WASHC2A: variants seen among roughly 807,000 people sequenced by gnomAD.
WASHC2A encodes WASH complex subunit FAM21A.
Under a neutral mutation model 140.3 loss-of-function variants are expected in WASHC2A, and 82 were observed. That is an observed-to-expected ratio of 0.58 (90% CI 0.49 to 0.70). The LOEUF is 0.70. Ranked by LOEUF, WASHC2A falls within the 30% of genes least tolerant of loss-of-function variation. The pLI, the probability that WASHC2A is intolerant of heterozygous loss-of-function variation, is 0.00. For missense variants in WASHC2A, 985 were observed against 1,521.8 expected (o/e 0.65, Z 5.87); for synonymous variants, 340 against 560.8 (o/e 0.61, Z 5.56).
chr10:50,121,593 C>T (rs1349411897), intron 23 of WASHC2A, among the ~76,000 whole-genome samples: 58 of 150,396 alleles, frequency 3.9e-4, no homozygotes, highest in Middle Eastern at 3.4e-3. Context: ...AGGGTTTCAC[C>T]GTGTTGGCCA....
intron 7 of WASHC2A, 113 bp from the exon 8 acceptor site, chr10:50,087,162 C>G: frequency 7.0e-7 from 1 of 1,424,326 alleles, no homozygotes. Flanking sequence ...AGTGTCAGAG[C>G]TTTTTCTCCA....
In WASHC2A at chr10:50,127,715, C is replaced by G. The variant is rs1444440496; in HGVS notation, c.3007C>G (p.Pro1003Ala). The change falls in exon 28 of 31, where the codon CCT (proline) becomes GCT (alanine). Residue 1003 changes from proline to alanine, a missense_variant. Pro to Ala is a conservative substitution (Grantham distance 27). Transcript: ENST00000282633. ...AAGGAGCCACGGTCTGGAAAGTGTG[C>G]CTGTCCTTCCCGGGAGTGGGGAGGC... ...HRRSHGLESV[P>A]VLPGSGEAGV... 2 of 1,568,854 alleles carry G rather than the reference C, an allele frequency of 1.3e-6. No individual in the cohort carries two copies. The highest frequency in any genetic ancestry group is 2.3e-5 in the South Asian group (2 of 87,522).
intron 19 of WASHC2A, 80 bp from the exon 20 acceptor site, chr10:50,110,021 C>T (rs1303206741): frequency 1.3e-5 from 17 of 1,308,708 alleles, no homozygotes; most frequent in Admixed American, 1.0e-4. Flanking sequence ...TCACCCGCCT[C>T]GGCCTCCCAA....
intron 8 of WASHC2A, among the ~76,000 whole-genome samples, chr10:50,087,657 A>C (rs1554881451): frequency 1.3e-5 from 2 of 152,054 alleles, no homozygotes; most frequent in South Asian, 2.1e-4. Context: ...ACAATCTAGC[A>C]GTAACATTAT....
At position 50,113,980 on chromosome 10, in the gene WASHC2A, G is replaced by C; in HGVS notation, c.2125G>C (p.Val709Leu). ...TCTGTTTGGCTCTCCTCCCACATCT[G>C]TTCCTCCTGCAACAAAGGTATTCTT... The part of the protein sequence containing the change: ...GSLFGSPPTS[V>L]PPATKKKETV... The change falls in exon 21 of 31, where the codon GTT becomes CTT. Residue 709 changes from valine (V) to leucine (L), a missense_variant. Val to Leu is a conservative substitution (Grantham distance 32). Coordinates refer to ENST00000282633, the MANE Select transcript of WASHC2A (RefSeq NM_001005751.3). 1 of 387,268 alleles carries C rather than the reference G, an allele frequency of 2.6e-6. No individual in the cohort carries two copies. Among genetic ancestry groups the C allele is most frequent in the African/African-American group, 4.8e-5 (1 of 20,866 alleles). The allele number at this position is 387,268 out of a possible 1,614,324, so 24.0% of individuals were successfully genotyped here.
At chr10:50,071,582 G>T (rs1797696906) in intron 3 of WASHC2A, among the ~76,000 whole-genome samples, 1 of 151,708 alleles carries the variant, frequency 6.6e-6, no homozygotes, top group Admixed American at 6.6e-5. Flanking sequence ...TGGGATTACA[G>T]GCCTGAGCCA....
intron 5 of WASHC2A, among the ~76,000 whole-genome samples, chr10:50,081,847 G>A (rs1363651728): frequency 5.3e-5 from 8 of 152,070 alleles, no homozygotes; most frequent in African/African-American, 1.7e-4. Flanking sequence ...TGGCCAGGCT[G>A]GTCTCGAACT....
intron 20 of WASHC2A, chr10:50,112,379 G>A: frequency 6.8e-6 from 3 of 439,130 alleles, no homozygotes; most frequent in South Asian, 1.1e-4. Flanking sequence ...GATCTCAAAA[G>A]AAGCTTTACA....
intron 5 of WASHC2A, among the ~76,000 whole-genome samples, chr10:50,083,699 G>C (rs560661248): frequency 8.8e-6 from 1 of 113,580 alleles, no homozygotes; most frequent in Non-Finnish European, 1.8e-5. Flanking sequence ...TAGGATGACA[G>C]TTACCCGCCA....
intron 17 of WASHC2A, among the ~76,000 whole-genome samples, chr10:50,103,101 C>T (rs1478971627): frequency 6.6e-6 from 1 of 150,880 alleles, no homozygotes; most frequent in Non-Finnish European, 1.5e-5. Context: ...CTGCCTGCCC[C>T]AGCCTCCCAA....
chr10:50,111,747 C>T (rs1270455066), intron 20 of WASHC2A, among the ~76,000 whole-genome samples: 2 of 152,274 alleles, frequency 1.3e-5, no homozygotes, highest in South Asian at 2.1e-4. Context: ...GAAGCCTTCC[C>T]GGCTGGGCGC....
chr10:50,106,095 TCTC>T (rs1444707395), intron 18 of WASHC2A, among the ~76,000 whole-genome samples: 1 of 150,964 alleles, frequency 6.6e-6, no homozygotes, highest in Non-Finnish European at 1.5e-5. Context: ...TGCATGTTGT[TCTC>T]CTGCTTATAT....
Position 50,129,987 on chromosome 10 carries a change from C to A in WASHC2A, c.3656C>A (p.Thr1219Lys). ...FTDQKVKKNE[T>K]KSNSQQDVIL... ...GATCAGAAAGTCAAGAAGAATGAGA[C>A]AAAATCCAATAGTCAGCAGGATGTC... Residue 1219 changes from threonine (T) to lysine (K), a missense_variant, in exon 29 of 31, where the codon ACA becomes AAA. Transcript: ENST00000282633. 1 of 1,611,934 alleles carries A rather than the reference C, an allele frequency of 6.2e-7. No individual in the cohort carries two copies. The highest frequency in any genetic ancestry group is 8.5e-7 in the Non-Finnish European group (1 of 1,179,846).
intron 5 of WASHC2A, among the ~76,000 whole-genome samples, chr10:50,082,189 TC>T (rs1554879940): frequency 6.7e-6 from 1 of 150,200 alleles, no homozygotes; most frequent in Non-Finnish European, 1.5e-5. Flanking sequence ...GGTACACTTT[TC>T]TTTTGTAGGA....
intron 16 of WASHC2A, 109 bp downstream of exon 16, chr10:50,097,911 C>T (rs1840648835): frequency 6.4e-7 from 1 of 1,550,892 alleles, no homozygotes; most frequent in Non-Finnish European, 8.7e-7. Context: ...TATTGAAGAA[C>T]TTCAAACAGA....
At chr10:50,095,323 G>C in intron 14 of WASHC2A, 116 bp downstream of exon 14, 1 of 958,180 alleles carries the variant, frequency 1.0e-6, no homozygotes, top group Non-Finnish European at 1.5e-6. Flanking sequence ...AGCTTCAAAG[G>C]GCTTTGAGCA....
intron 19 of WASHC2A, among the ~76,000 whole-genome samples, 163 bp downstream of exon 19, chr10:50,106,628 A>G: frequency 1.3e-5 from 2 of 150,638 alleles, no homozygotes; most frequent in South Asian, 4.3e-4. Context: ...TTAATGTAAT[A>G]TATTAATTTA....
intron 8 of WASHC2A, among the ~76,000 whole-genome samples, chr10:50,090,515 A>AATATATATATATATATTT (rs1554882431): frequency 2.0e-4 from 22 of 108,728 alleles, no homozygotes; most frequent in African/African-American, 6.5e-4. Context: ...AAAAAAAAAA[A>AATATATATATATATATTT]ATATATATAT....
chr10:50,103,960 G>C, intron 17 of WASHC2A, 82 bp from the exon 18 acceptor site: 2 of 1,275,436 alleles, frequency 1.6e-6, no homozygotes, highest in Non-Finnish European at 2.2e-6. Flanking sequence ...TGTCATGTCT[G>C]AGTCACTTGT....
Sources: gnomAD v4.1 joint callset for allele counts (sites outside exome capture counted in the v4.1 genomes callset) on GRCh38, gnomAD v4.1.1 for gene constraint, MANE v1.5 for transcripts, NCBI Gene and HGNC (gene_info 2026-07-23, HGNC 2026-07-21) for gene names.